Variants in MRRF observed in about 807,000 individuals in gnomAD.
MRRF encodes mitochondrial ribosome recycling factor, also known as ribosome-recycling factor, mitochondrial.
MRRF carries 18 observed loss-of-function variants against 25.1 expected under a neutral mutation model. The observed-to-expected ratio is 0.72, with a 90% CI of 0.50 to 1.06. The LOEUF (loss-of-function observed/expected upper bound fraction) is 1.06. MRRF is among the 50% of genes least tolerant of loss of function. The pLI is 0.00. For synonymous variants in MRRF, 113 were observed against 112.1 expected, an observed-to-expected ratio of 1.01 and a Z score of -0.05; for missense variants, 323 against 319.3, an observed-to-expected ratio of 1.01 and a Z score of -0.09.
chr9:122,282,018 A>G (rs1286610205), intron 3 of MRRF, among the ~76,000 whole-genome samples: 1 of 152,212 alleles, frequency 6.6e-6, no homozygotes, highest in African/African-American at 2.4e-5. Flanking sequence ...AGACTGAATT[A>G]AGATCCATTT....
At chr9:122,279,620 TTATC>T in intron 2 of MRRF, among the ~76,000 whole-genome samples, 1 of 152,350 alleles carries the variant, frequency 6.6e-6, no homozygotes, top group East Asian at 1.9e-4. Flanking sequence ...CTCACAGAAA[TTATC>T]TATGTATACA....
intron 1 of MRRF, among the ~76,000 whole-genome samples, chr9:122,266,047 C>T (rs1490237482): frequency 6.6e-6 from 1 of 152,234 alleles, no homozygotes; most frequent in African/African-American, 2.4e-5. Flanking sequence ...AGATTCCCAT[C>T]CGATTCTGGT....
chr9:122,313,053 T>C (rs1835299441), intron 5 of MRRF, among the ~76,000 whole-genome samples, 174 bp from the exon 6 acceptor site: 1 of 152,204 alleles, frequency 6.6e-6, no homozygotes. Context: ...TGCCCATGTT[T>C]GGGCAACTTA....
intron 6 of MRRF, among the ~76,000 whole-genome samples, chr9:122,321,143 A>G (rs111901547): frequency 6.6e-6 from 1 of 152,272 alleles, no homozygotes; most frequent in African/African-American, 2.4e-5. Context: ...TCAGTAAAAT[A>G]TAACCACTAT....
intron 5 of MRRF, among the ~76,000 whole-genome samples, chr9:122,307,075 G>T (rs1003884125): frequency 1.3e-5 from 2 of 152,180 alleles, no homozygotes; most frequent in African/African-American, 4.8e-5. Context: ...TGAGGCGAGG[G>T]TGGTGTCCCT....
At chr9:122,275,592 G>A (rs1161468489) in intron 2 of MRRF, among the ~76,000 whole-genome samples, 3 of 152,120 alleles carry the variant, frequency 2.0e-5, no homozygotes, top group East Asian at 1.9e-4. Flanking sequence ...AGCTGAGATC[G>A]CACCACTGCA....
chr9:122,269,675 A>G (rs1832330666), intron 1 of MRRF, among the ~76,000 whole-genome samples: 1 of 152,030 alleles, frequency 6.6e-6, no homozygotes, highest in Admixed American at 6.5e-5. Flanking sequence ...GCTGTGAGCC[A>G]AGATCGTGCC....
chr9:122,301,034 G>A lies in MRRF; in HGVS notation c.551+9194G>A, dbSNP rs931303166. Among the ~76,000 whole-genome samples, 3 of 152,110 alleles carry A rather than the reference G, an allele frequency of 2.0e-5. 1 individual carries two copies. Among genetic ancestry groups the A allele is most frequent in the Admixed American group, 1.3e-4 (2 of 15,260 alleles). On this transcript the variant is annotated intron_variant, in intron 5 of 6. Coordinates refer to ENST00000344641, the MANE Select transcript of MRRF (RefSeq NM_138777.5). ...TCAAGATCGTTAGATAATTGCTATC[G>A]TCATTTTCCTCTGGGCATTTTTGGG...
chr9:122,300,326 C>T (rs1834370698), intron 5 of MRRF, among the ~76,000 whole-genome samples: 1 of 152,166 alleles, frequency 6.6e-6, no homozygotes, highest in South Asian at 2.1e-4. Context: ...GCAGGTTCTC[C>T]TGGAGGGTGA....
At chr9:122,285,615 C>T (rs1335099250) in intron 4 of MRRF, 3 of 514,182 alleles carry the variant, frequency 5.8e-6, no homozygotes, top group Non-Finnish European at 9.7e-6. Flanking sequence ...GAGTGGAATG[C>T]CTCTGCCCAG....
chr9:122,266,020 A>G (rs1408152927), intron 1 of MRRF, among the ~76,000 whole-genome samples: 10 of 152,190 alleles, frequency 6.6e-5, no homozygotes, highest in Admixed American at 5.2e-4. Context: ...CCCAGAACCT[A>G]CCATAATAGT....
At chr9:122,318,037 T>C (rs1835647771) in intron 6 of MRRF, among the ~76,000 whole-genome samples, 1 of 152,082 alleles carries the variant, frequency 6.6e-6, no homozygotes. Flanking sequence ...CTCGGGAGGC[T>C]GAGGCAGGAG....
At chr9:122,317,940 G>A (rs767770465) in intron 6 of MRRF, among the ~76,000 whole-genome samples, 14 of 152,112 alleles carry the variant, frequency 9.2e-5, no homozygotes, top group Middle Eastern at 3.4e-3. Flanking sequence ...GATCGAGACC[G>A]TCCTGGCTAA....
At chr9:122,265,663 A>G in intron 1 of MRRF, 1 of 886,328 alleles carries the variant, frequency 1.1e-6, no homozygotes, top group Non-Finnish European at 1.6e-6. Flanking sequence ...GGTTGAAACA[A>G]AATCTACGTA....
chr9:122,315,087 G>T (rs770493336), intron 6 of MRRF, among the ~76,000 whole-genome samples: 4 of 112,946 alleles, frequency 3.5e-5, no homozygotes, highest in Admixed American at 3.3e-4. Context: ...CAGTCACCTG[G>T]GGGGGGGAAT....
chr9:122,279,523 GAATA>G (rs1832968836), intron 2 of MRRF, among the ~76,000 whole-genome samples: 2 of 152,166 alleles, frequency 1.3e-5, no homozygotes, highest in Admixed American at 1.3e-4. Context: ...AATGTTTAAT[GAATA>G]AACAGTGTAA....
chr9:122,329,871 A>G lies in MRRF; in HGVS notation c.*7254A>G, dbSNP rs1317728181. The G allele has an allele frequency of 1.3e-5, 2 of 152,276 alleles. No individual in the cohort carries two copies. Among genetic ancestry groups the G allele is most frequent in the African/African-American group, 2.4e-5 (1 of 41,474 alleles). 9.4% of individuals were successfully genotyped at this position (152,276 alleles called of 1,614,324 possible). A position where few individuals can be genotyped will look rare whatever the true frequency, so the allele number is the denominator to read the frequency against. On this transcript the variant is annotated 3_prime_UTR_variant, in exon 7 of 7. Transcript: ENST00000344641. ...GTCTTAGTCTGTGCATTCTCTGACT[A>G]GCACAGTATGTGGCGAGAGCAGGTG...
chr9:122,286,817 C>G (rs924881307), intron 4 of MRRF, among the ~76,000 whole-genome samples: 1 of 152,184 alleles, frequency 6.6e-6, no homozygotes, highest in Non-Finnish European at 1.5e-5. Context: ...AAGAAACAGT[C>G]CAAAATCCTC....
chr9:122,267,065 G>A (rs377013896), intron 1 of MRRF, among the ~76,000 whole-genome samples: 105 of 133,644 alleles, frequency 7.9e-4, no homozygotes, highest in African/African-American at 2.4e-3. Flanking sequence ...GTGAGACTCC[G>A]TCTCAAAAAA....
Sources: gnomAD v4.1 joint callset for allele counts (sites outside exome capture counted in the v4.1 genomes callset) on GRCh38, gnomAD v4.1.1 for gene constraint, MANE v1.5 for transcripts, NCBI Gene and HGNC (gene_info 2026-07-23, HGNC 2026-07-21) for gene names.